GLB1: variants seen among roughly 807,000 people sequenced by gnomAD.
GLB1 encodes galactosidase beta 1.
GLB1 carries 56 observed loss-of-function variants against 74.0 expected under a neutral mutation model. The observed-to-expected ratio is 0.76, with a 90% CI of 0.61 to 0.94. GLB1 has a LOEUF of 0.94. GLB1 is among the 40% of genes least tolerant of loss of function. GLB1 has a pLI of 0.00. For missense variants in GLB1, 787 were observed against 845.5 expected, an observed-to-expected ratio of 0.93 and a Z score of 0.86; for synonymous variants, 323 against 323.6, an observed-to-expected ratio of 1.00 and a Z score of 0.02.
chr3:33,087,595 AC>A (rs1559419413), intron 1 of GLB1, among the ~76,000 whole-genome samples: 19 of 143,218 alleles, frequency 1.3e-4, no homozygotes, highest in Non-Finnish European at 1.5e-5. Context: ...ACACACACAC[AC>A]ACACACACAC....
At chr3:32,985,728 T>TGGG in the GLB1 span, among the ~76,000 whole-genome samples, 1 of 152,166 alleles carries the variant, frequency 6.6e-6, no homozygotes, top group Non-Finnish European at 1.5e-5. Flanking sequence ...TTTTTTGAGA[T>TGGG]GGAGTCTCAC....
intron 10 of GLB1, among the ~76,000 whole-genome samples, chr3:33,027,445 T>A (rs555419852): frequency 5.9e-5 from 9 of 152,306 alleles, no homozygotes; most frequent in Non-Finnish European, 1.2e-4. Flanking sequence ...ACGAACCCAG[T>A]GGGCCCGAGC....
rs1697139843 is a variant in GLB1 at position 33,014,133 on chromosome 3, T to C, written c.1657A>G (p.Met553Val). The C allele has an allele frequency of 3.1e-6, 5 of 1,613,976 alleles. No homozygotes were observed. The highest frequency in any genetic ancestry group is 2.7e-5 in the African/African-American group (2 of 74,896). ...SSNYTLPAFY[M>V]GNFSIPSGIP... ...CCACTGGGAATGGAGAAGTTCCCCATATAAAAGGCCGGGAGCGTGTAGTTG... is the reference window on the plus strand; with the variant it reads ...CCACTGGGAATGGAGAAGTTCCCCACATAAAAGGCCGGGAGCGTGTAGTTG... The change falls in exon 15 of 16, where the codon ATG (methionine) becomes GTG (valine). Residue 553 changes from methionine to valine, a missense_variant. Met to Val is a conservative substitution (Grantham distance 21). Coordinates refer to ENST00000307363, the MANE Select transcript of GLB1 (RefSeq NM_000404.4).
the GLB1 span, among the ~76,000 whole-genome samples, chr3:32,978,761 C>T: frequency 7.1e-5 from 6 of 84,542 alleles, no homozygotes; most frequent in Non-Finnish European, 1.2e-4. Context: ...TTCTTTCTTT[C>T]TTTCTTTTTT....
chr3:33,066,463 C>G (rs755678674), intron 4 of GLB1, among the ~76,000 whole-genome samples: 9 of 152,272 alleles, frequency 5.9e-5, no homozygotes, highest in South Asian at 2.1e-4. Flanking sequence ...AGAGTCCCCA[C>G]CAGCAAGAAG....
chr3:33,070,650 C>T (rs931690612), intron 2 of GLB1, among the ~76,000 whole-genome samples: 4 of 152,260 alleles, frequency 2.6e-5, no homozygotes, highest in South Asian at 2.1e-4. Flanking sequence ...TGAAGACCAC[C>T]ATGGGAAACA....
chr3:33,072,781 AG>A (rs1699933933), intron 1 of GLB1, 68 bp from the exon 2 acceptor site: 1 of 1,603,580 alleles, frequency 6.2e-7, no homozygotes, highest in Non-Finnish European at 8.5e-7. Flanking sequence ...ATCCTTTGAG[AG>A]TAGCAAGTGA....
intron 4 of GLB1, among the ~76,000 whole-genome samples, chr3:33,067,199 C>T (rs528767342): frequency 6.6e-6 from 1 of 152,104 alleles, no homozygotes; most frequent in East Asian, 1.9e-4. Flanking sequence ...GACAGGGTTT[C>T]CTCATGTTGG....
At chr3:33,018,317 AAAAAAAAG>A in intron 13 of GLB1, 123 bp downstream of exon 13, 2 of 214,932 alleles carry the variant, frequency 9.3e-6, no homozygotes, top group Non-Finnish European at 1.7e-5. Context: ...AAAAAAAAAA[AAAAAAAAG>A]ATGATGGGTA....
chr3:33,072,747 CCACCTTCTG>C, intron 1 of GLB1, 34 bp from the exon 2 acceptor site: 1 of 1,613,602 alleles, frequency 6.2e-7, no homozygotes, highest in Non-Finnish European at 8.5e-7. Context: ...ATGAGAACTT[CCACCTTCTG>C]CATTTCAGAA....
intron 10 of GLB1, chr3:33,034,367 G>C: frequency 2.6e-6 from 2 of 758,650 alleles, no homozygotes; most frequent in Non-Finnish European, 4.9e-6. Context: ...AAGCCTCATA[G>C]ACCAGCTGTT....
chr3:33,027,395 A>C lies in GLB1; in HGVS notation c.1069-3070T>G, dbSNP rs540687595. On this transcript the variant is annotated intron_variant, in intron 10 of 15. Coordinates refer to ENST00000307363, the MANE Select transcript of GLB1 (RefSeq NM_000404.4). ...TGGCAGGTATGGGATCCAGGCAGGAAGCATGAACCGAGTGCAGCCTGCCAG... is the reference window on the plus strand; with the variant it reads ...TGGCAGGTATGGGATCCAGGCAGGACGCATGAACCGAGTGCAGCCTGCCAG... Among the ~76,000 whole-genome samples the C allele has an allele frequency of 2.0e-5, 3 of 152,356 alleles. No individual in the cohort carries two copies. The South Asian group carries it at 6.2e-4, about 32-fold the overall frequency.
At chr3:33,047,547 T>C (rs1340246605) in intron 9 of GLB1, among the ~76,000 whole-genome samples, 3 of 152,220 alleles carry the variant, frequency 2.0e-5, no homozygotes, top group African/African-American at 7.2e-5. Context: ...AGAGAGCATA[T>C]TGCAATGCAA....
At chr3:32,969,722 C>T in the GLB1 span, among the ~76,000 whole-genome samples, 2 of 152,074 alleles carry the variant, frequency 1.3e-5, no homozygotes, top group East Asian at 3.9e-4. Flanking sequence ...AAATGGTGGC[C>T]CCCAGATCTG....
In GLB1 at chr3:33,093,265, G is replaced by A. The variant is rs372764570; in HGVS notation, c.75+3746C>T. On this transcript the variant is annotated intron_variant, in intron 1 of 15. Coordinates refer to ENST00000307363, the MANE Select transcript of GLB1 (RefSeq NM_000404.4). This position sits in a 1 kb window ranked among gnomAD's most constrained non-coding sequence, Gnocchi z 6.0. ...CTGCCACCACCACCACGTTGGGCCC[G>A]TGTGGCGGAAATCTTCACGTTCTCA... is the stretch of plus-strand genomic sequence containing the variant. 7.4e-6 allele frequency: 12 copies of A among 1,614,072 alleles called. No homozygotes were observed. The East Asian group carries it at 8.9e-5, about 12-fold the overall frequency.
chr3:33,077,030 T>C, intron 1 of GLB1: 2 of 1,272,798 alleles, frequency 1.6e-6, no homozygotes, highest in Non-Finnish European at 2.0e-6. Context: ...TCAAGACCAG[T>C]CTGGGGAACA....
intron 10 of GLB1, among the ~76,000 whole-genome samples, chr3:33,024,947 CTTTTT>C (rs34388197): frequency 6.9e-6 from 1 of 144,258 alleles, no homozygotes; most frequent in Non-Finnish European, 1.5e-5. Flanking sequence ...TACAAATCCT[CTTTTT>C]TTTTTTTTTT....
intron 10 of GLB1, among the ~76,000 whole-genome samples, chr3:33,028,332 T>C (rs1012702176): frequency 6.6e-6 from 1 of 152,184 alleles, no homozygotes; most frequent in Non-Finnish European, 1.5e-5. Flanking sequence ...AAAGAAAGTT[T>C]ATCTTCCTTT....
chr3:32,990,739 C>T, the GLB1 span, among the ~76,000 whole-genome samples: 1 of 151,974 alleles, frequency 6.6e-6, no homozygotes, highest in Non-Finnish European at 1.5e-5. Context: ...TTTGGAAGGC[C>T]GAGGCGGGCA....
Sources: allele counts gnomAD v4.1 joint callset (sites outside exome capture counted in the v4.1 genomes callset), GRCh38; gene constraint gnomAD v4.1.1; non-coding constraint Gnocchi (gnomAD v3.1); transcripts MANE v1.5; gene names NCBI Gene and HGNC (gene_info 2026-07-23, HGNC 2026-07-21).